The following BDNF variants were observed in gnomAD, a reference collection of about 807,000 sequenced individuals.
The protein encoded by BDNF is neurotrophic factor BDNF precursor form.
Under a neutral mutation model 19.5 loss-of-function variants are expected in BDNF, and 1 was observed. The ratio of observed to expected loss-of-function variants is 0.05; its 90% CI spans 0.02 to 0.24. BDNF has a LOEUF of 0.24. Among genes scored for constraint, BDNF ranks in the 10% least tolerant of loss-of-function variants. The probability of loss-of-function intolerance (pLI) is 1.00; values close to 1 mark genes in which losing one functional copy is unlikely to be tolerated. For missense variants in BDNF, 195 were observed against 317.6 expected, an observed-to-expected ratio of 0.61 and a Z score of 2.93; for synonymous variants, 100 against 121.6, an observed-to-expected ratio of 0.82 and a Z score of 1.17.
At chr11:27,697,111 C>T (rs1163132640) in intron 1 of BDNF, among the ~76,000 whole-genome samples, 3 of 151,896 alleles carry the variant, frequency 2.0e-5, no homozygotes, top group East Asian at 3.9e-4. Context: ...CTCTCTCTCT[C>T]TCTCCCCCTC....
At chr11:27,695,080 A>G (rs1858828765) in intron 1 of BDNF, among the ~76,000 whole-genome samples, 2 of 152,104 alleles carry the variant, frequency 1.3e-5, no homozygotes, top group African/African-American at 4.8e-5. Context: ...CCACCCCCAT[A>G]CACACTCACA....
At chr11:27,668,428 GAT>G (rs1854743420) in intron 1 of BDNF, among the ~76,000 whole-genome samples, 1 of 151,976 alleles carries the variant, frequency 6.6e-6, no homozygotes, top group East Asian at 1.9e-4. Flanking sequence ...AACTGAAGGA[GAT>G]AGAGACAGAA....
chr11:27,681,387 T>C (rs1168112683), intron 1 of BDNF, among the ~76,000 whole-genome samples: 5 of 152,170 alleles, frequency 3.3e-5, no homozygotes, highest in African/African-American at 9.7e-5. Flanking sequence ...ACTTCCAGCC[T>C]AGAATCTGAT....
chr11:27,660,294 T>C (rs1487762737), intron 1 of BDNF: 1 of 1,167,236 alleles, frequency 8.6e-7, no homozygotes, highest in African/African-American at 1.6e-5. Context: ...AAAAAATTTC[T>C]TTTAGATTTA....
At position 27,656,741 on chromosome 11, in the gene BDNF, T is replaced by C; in HGVS notation, c.*1080A>G. The C allele has an allele frequency of 2.0e-6, 2 of 985,366 alleles. No individual in the cohort carries two copies. The highest frequency in any genetic ancestry group is 2.4e-6 in the Non-Finnish European group (2 of 829,914). The allele number at this position is 985,366 out of a possible 1,614,324, so 61.0% of individuals were successfully genotyped here. A position where few individuals can be genotyped will look rare whatever the true frequency, so the allele number is the denominator to read the frequency against. On this transcript the variant is annotated 3_prime_UTR_variant, in exon 2 of 2. Transcript: ENST00000356660. ...GAGTTTTTTTTAAGCTTAGCCATGA[T>C]TTACCCAAATGTTCACTCCTCATAA... is the stretch of plus-strand genomic sequence containing the variant.
In BDNF at chr11:27,700,388, G is replaced by T; in HGVS notation, c.-246C>A. The T allele has an allele frequency of 2.0e-6, 2 of 986,096 alleles. No individual in the cohort carries two copies. Among genetic ancestry groups the T allele is most frequent in the Non-Finnish European group, 2.4e-6 (2 of 830,344 alleles). The allele number at this position is 986,096 out of a possible 1,614,324, so 61.1% of individuals were successfully genotyped here. A position where few individuals can be genotyped will look rare whatever the true frequency, so the allele number is the denominator to read the frequency against. ...GCCCGAGGCGCTACGGGGTGCGCGG[G>T]ACAGCGAGCGGGCGGGTGCGCCCGG... On this transcript the variant is annotated 5_prime_UTR_variant, in exon 1 of 2. Transcript: ENST00000356660.
intron 1 of BDNF, among the ~76,000 whole-genome samples, chr11:27,713,252 T>C (rs1321750459): frequency 1.3e-5 from 2 of 152,142 alleles, no homozygotes; most frequent in African/African-American, 2.4e-5. Flanking sequence ...TAAGAAGTCC[T>C]TAGCGGAGGA....
chr11:27,695,539 A>G (rs1858880354), intron 1 of BDNF, among the ~76,000 whole-genome samples: 1 of 152,208 alleles, frequency 6.6e-6, no homozygotes, highest in African/African-American at 2.4e-5. Flanking sequence ...TTTAAGAGCT[A>G]CTAGGTTCTG....
Position 27,658,727 on chromosome 11 carries a change from C to T in BDNF, c.-21-142G>A. 6.5e-7 allele frequency: 1 copy of T among 1,547,164 alleles called. No homozygotes were observed. Among genetic ancestry groups the T allele is most frequent in the Non-Finnish European group, 8.7e-7 (1 of 1,147,132 alleles). ...ATGTCTTGGTGATAAACTCCAGCTG[C>T]ACCAGACACAAATCAGTGTCAGTAG... On this transcript the variant is annotated intron_variant, in intron 1 of 1. Coordinates refer to ENST00000356660, the MANE Select transcript of BDNF (RefSeq NM_001709.5). The surrounding 1 kb of genome is among the most constrained non-coding windows in gnomAD (Gnocchi z 5.7).
upstream of BDNF, chr11:27,701,649 G>C (rs1859902408): frequency 2.0e-6 from 2 of 985,352 alleles, no homozygotes; most frequent in Non-Finnish European, 2.4e-6. Flanking sequence ...TCCACGAGAG[G>C]GCTCCACGGT....
intron 1 of BDNF, among the ~76,000 whole-genome samples, chr11:27,666,467 C>CA (rs1854358590): frequency 1.3e-5 from 2 of 152,172 alleles, no homozygotes; most frequent in Non-Finnish European, 2.9e-5. Flanking sequence ...TCAGTAATAA[C>CA]AAACTCCTCC....
Position 27,658,657 on chromosome 11 carries a change from A to T in BDNF, c.-21-72T>A. 6.2e-7 allele frequency: 1 copy of T among 1,613,032 alleles called. No individual in the cohort carries two copies. Among genetic ancestry groups the T allele is most frequent in the East Asian group, 2.2e-5 (1 of 44,878 alleles). ...CTTTCACCGGGATGCCATGTGGCCC[A>T]TCTGATTGTAATTCCAGGCCATTCT... On this transcript the variant is annotated intron_variant, in intron 1 of 1. Transcript: ENST00000356660. This position sits in a 1 kb window ranked among gnomAD's most constrained non-coding sequence, Gnocchi z 5.7.
At position 27,655,903 on chromosome 11, in the gene BDNF, C is replaced by T. The variant is rs1360748235; in HGVS notation, c.*1918G>A. On this transcript the variant is annotated 3_prime_UTR_variant, in exon 2 of 2. Transcript: ENST00000356660. The stretch of plus-strand genomic sequence containing the variant: ...AGGCTCCCAACTTGACTTCTCCTAA[C>T]CCAAAATGGCAGAGGTGAGGCAGGG... 1.3e-5 allele frequency: 2 copies of T among 152,254 alleles called. No homozygotes were observed. The highest frequency in any genetic ancestry group is 2.9e-5 in the Non-Finnish European group (2 of 68,114). 9.4% of individuals were successfully genotyped at this position (152,254 alleles called of 1,614,324 possible). A position where few individuals can be genotyped will look rare whatever the true frequency, so the allele number is the denominator to read the frequency against.
At chr11:27,706,674 G>A (rs1860125048) in intron 1 of BDNF, among the ~76,000 whole-genome samples, 1 of 152,100 alleles carries the variant, frequency 6.6e-6, no homozygotes, top group African/African-American at 2.4e-5. Context: ...TGAAAATGTG[G>A]AGCCCCAAAC....
intron 1 of BDNF, among the ~76,000 whole-genome samples, chr11:27,664,078 C>T (rs1427367433): frequency 6.6e-6 from 1 of 151,212 alleles, no homozygotes; most frequent in African/African-American, 2.4e-5. Flanking sequence ...TTGGGTTTTA[C>T]CTGTGAGCGT....
At chr11:27,662,731 G>A (rs1293822868) in intron 1 of BDNF, among the ~76,000 whole-genome samples, 1 of 152,196 alleles carries the variant, frequency 6.6e-6, no homozygotes, top group Non-Finnish European at 1.5e-5. Flanking sequence ...TAATGCTGCT[G>A]CTGATCTGAA....
At position 27,700,292 on chromosome 11, in the gene BDNF, G is replaced by T. The variant is rs1197172892; in HGVS notation, c.-150C>A. The stretch of plus-strand genomic sequence containing the variant: ...CCCGCCGGCCCCACAGCAGCGGTGG[G>T]TGTCTCATTAAAGCCCCCCGAGCAG... On this transcript the variant is annotated 5_prime_UTR_variant, in exon 1 of 2. Coordinates refer to ENST00000356660, the MANE Select transcript of BDNF (RefSeq NM_001709.5). 2 of 984,956 alleles carry T rather than the reference G, an allele frequency of 2.0e-6. No individual in the cohort carries two copies. The highest frequency in any genetic ancestry group is 2.4e-6 in the Non-Finnish European group (2 of 829,904). 61.0% of individuals were successfully genotyped at this position (984,956 alleles called of 1,614,324 possible). A position where few individuals can be genotyped will look rare whatever the true frequency, so the allele number is the denominator to read the frequency against.
intron 1 of BDNF, among the ~76,000 whole-genome samples, chr11:27,688,079 G>A (rs887536901): frequency 6.6e-6 from 1 of 152,206 alleles, no homozygotes; most frequent in Non-Finnish European, 1.5e-5. Flanking sequence ...GACTGGGGCT[G>A]CTGCCTTTCT....
At chr11:27,694,420 GC>G (rs1183964554) in intron 1 of BDNF, among the ~76,000 whole-genome samples, 1 of 152,108 alleles carries the variant, frequency 6.6e-6, no homozygotes, top group African/African-American at 2.4e-5. Context: ...ATAATCTGAA[GC>G]AGCCATTAAT....
Sources: gnomAD v4.1 joint callset for allele counts (sites outside exome capture counted in the v4.1 genomes callset) on GRCh38, gnomAD v4.1.1 for gene constraint, Gnocchi (gnomAD v3.1) non-coding constraint, MANE v1.5 for transcripts, NCBI Gene and HGNC (gene_info 2026-07-23, HGNC 2026-07-21) for gene names.